The following GUCY1A1 variants were observed in gnomAD, a reference collection of about 807,000 sequenced individuals.
GUCY1A1 encodes the protein guanylate cyclase soluble subunit alpha-1.
GUCY1A1 carries 48 observed loss-of-function variants against 64.5 expected under a neutral mutation model. The observed-to-expected ratio is 0.74, with a 90% CI of 0.59 to 0.95. The LOEUF is 0.95. Ranked by LOEUF, GUCY1A1 falls within the 40% of genes least tolerant of loss-of-function variation. The pLI is 0.00. For missense variants in GUCY1A1, 804 were observed against 825.3 expected (o/e 0.97, Z 0.32); for synonymous variants, 308 against 303.4 (o/e 1.02, Z -0.16).
Position 155,717,214 on chromosome 4 carries a change from A to C in GUCY1A1, c.1628A>C (p.Asp543Ala), listed in dbSNP as rs770401787. 2.5e-6 allele frequency: 4 copies of C among 1,590,220 alleles called. No individual in the cohort carries two copies. Among genetic ancestry groups the C allele is most frequent in the South Asian group, 1.1e-5 (1 of 87,404 alleles). ...GCTGGGGGATTACACAAAGAGAGTG[A>C]TACTCATGCTGTTCAGATAGCGCTG... ...CVAGGLHKES[D>A]THAVQIALMA... The change falls in exon 8 of 10, where the codon GAT becomes GCT. Residue 543 changes from aspartate (D) to alanine (A), a missense_variant. Physicochemically the swap from Asp to Ala is moderately radical, Grantham distance 126. Transcript: ENST00000506455.
intron 2 of GUCY1A1, among the ~76,000 whole-genome samples, chr4:155,686,920 A>G (rs531016916): frequency 6.2e-4 from 95 of 152,336 alleles, no homozygotes; most frequent in African/African-American, 2.3e-3. Context: ...TGCAAATTCT[A>G]TAATTTTTTA....
At position 155,731,137 on chromosome 4, in the gene GUCY1A1, G is replaced by A. The variant is rs1384240981; in HGVS notation, c.*906G>A. 6.6e-6 allele frequency: 1 copy of A among 152,400 alleles called. No homozygotes were observed. Among genetic ancestry groups the A allele is most frequent in the Non-Finnish European group, 1.5e-5 (1 of 67,852 alleles). 9.4% of individuals were successfully genotyped at this position (152,400 alleles called of 1,614,324 possible). On this transcript the variant is annotated 3_prime_UTR_variant, in exon 10 of 10. Transcript: ENST00000506455. ...CAGGGGACCCACCATAAAGGACATT[G>A]GTAAAACATTTACACACGTAAACAC...
chr4:155,714,553 A>C (rs114821640), intron 7 of GUCY1A1, among the ~76,000 whole-genome samples: 1 of 152,222 alleles, frequency 6.6e-6, no homozygotes, highest in Non-Finnish European at 1.5e-5. Flanking sequence ...TCTTTTAGAC[A>C]TTGGCACTAA....
intron 4 of GUCY1A1, among the ~76,000 whole-genome samples, chr4:155,707,577 C>G (rs921710654): frequency 1.3e-5 from 2 of 150,616 alleles, no homozygotes; most frequent in African/African-American, 4.9e-5. Flanking sequence ...CCACTGAATA[C>G]TTACAGCTTT....
chr4:155,723,836 T>C (rs1387845858), intron 9 of GUCY1A1, among the ~76,000 whole-genome samples: 1 of 152,026 alleles, frequency 6.6e-6, no homozygotes, highest in African/African-American at 2.4e-5. Flanking sequence ...CTAATTTTTG[T>C]ATTTTTAGTA....
At chr4:155,668,515 G>C (rs1733669307) in intron 2 of GUCY1A1, among the ~76,000 whole-genome samples, 1 of 152,088 alleles carries the variant, frequency 6.6e-6, no homozygotes, top group Non-Finnish European at 1.5e-5. Flanking sequence ...TTAATGAATT[G>C]ATTTGATTTC....
chr4:155,708,159 T>C lies in GUCY1A1; in HGVS notation c.318-77T>C, dbSNP rs1579078905. 6 of 777,708 alleles carry C rather than the reference T, an allele frequency of 7.7e-6. No homozygotes were observed. In the East Asian group the frequency reaches 8.0e-5, roughly 10 times the overall value. 48.2% of individuals were successfully genotyped at this position (777,708 alleles called of 1,614,324 possible). The stretch of plus-strand genomic sequence containing the variant: ...GCCTAATTTAAACTATTTTCTATCA[T>C]TGTTTCTGTATATTATAATCTGAAC... On this transcript the variant is annotated intron_variant, in intron 4 of 9. Coordinates refer to ENST00000506455, the MANE Select transcript of GUCY1A1 (RefSeq NM_001130682.3).
At chr4:155,718,284 AC>A (rs1256601509) in intron 8 of GUCY1A1, among the ~76,000 whole-genome samples, 1 of 152,084 alleles carries the variant, frequency 6.6e-6, no homozygotes, top group African/African-American at 2.4e-5. Flanking sequence ...TAAAAACAAA[AC>A]TATATTTGGA....
At position 155,680,964 on chromosome 4, in the gene GUCY1A1, CAT is replaced by C. The variant is rs1491159964; in HGVS notation, c.-113+13546_-113+13547del. On this transcript the variant is annotated intron_variant, in intron 2 of 9. Coordinates refer to ENST00000506455, the MANE Select transcript of GUCY1A1 (RefSeq NM_001130682.3). ...ACACACACATGCACACACACACACA[CAT>C]GCACACACACACACACGTGCACATA... 2.0e-5 allele frequency among the ~76,000 whole-genome samples: 3 copies of C among 150,888 alleles called. No individual in the cohort carries two copies. The East Asian group carries it at 5.8e-4, about 29-fold the overall frequency.
At chr4:155,700,988 G>A (rs1397954283) in intron 3 of GUCY1A1, among the ~76,000 whole-genome samples, 1 of 152,174 alleles carries the variant, frequency 6.6e-6, no homozygotes, top group East Asian at 1.9e-4. Context: ...GAGGCCCTGA[G>A]GTTGGCTGTG....
chr4:155,726,746 G>A (rs1734736051), intron 9 of GUCY1A1, among the ~76,000 whole-genome samples: 1 of 151,898 alleles, frequency 6.6e-6, no homozygotes, highest in Non-Finnish European at 1.5e-5. Context: ...ATTGTCAGGA[G>A]TTTTACTTTA....
chr4:155,696,643 A>AT (rs1730447314), intron 2 of GUCY1A1, 113 bp from the exon 3 acceptor site: 1 of 414,664 alleles, frequency 2.4e-6, no homozygotes, highest in Non-Finnish European at 4.3e-6. Context: ...TTCCAGCAGA[A>AT]TTTTTTTAAC....
chr4:155,736,534 GA>G lies in GUCY1A1; in HGVS notation c.*6304del, dbSNP rs886715343. 5.9e-4 allele frequency: 90 copies of G among 152,036 alleles called. 1 individual carries two copies. Among genetic ancestry groups the G allele is most frequent in the African/African-American group, 2.0e-3 (84 of 41,518 alleles). The allele number at this position is 152,036 out of a possible 1,614,324, so 9.4% of individuals were successfully genotyped here. A position where few individuals can be genotyped will look rare whatever the true frequency, so the allele number is the denominator to read the frequency against. On this transcript the variant is annotated 3_prime_UTR_variant, in exon 10 of 10. Transcript: ENST00000506455. Reference sequence around the variant, plus strand: ...TTTGACTAAGAACTTACTGTTTAGAGAGAAAAAATAGTAAATAATGTTCAAA... The same window carrying G: ...TTTGACTAAGAACTTACTGTTTAGAGGAAAAAATAGTAAATAATGTTCAAA...
At position 155,711,207 on chromosome 4, in the gene GUCY1A1, G is replaced by A. The variant is rs1456647516; in HGVS notation, c.1042G>A (p.Val348Ile). The A allele has an allele frequency of 2.5e-6, 4 of 1,611,108 alleles. No individual in the cohort carries two copies. The highest frequency in any genetic ancestry group is 3.4e-6 in the Non-Finnish European group (4 of 1,177,338). ...IMTMLNMQFV[V>I]RVRRWDNSVK... Reference sequence around the variant, plus strand: ...GACTATGTTGAATATGCAGTTTGTTGTACGAGTGAGGAGATGGGACAACTC... The same window carrying A: ...GACTATGTTGAATATGCAGTTTGTTATACGAGTGAGGAGATGGGACAACTC... The change falls in exon 6 of 10, where the codon GTA becomes ATA. Residue 348 changes from valine (V) to isoleucine (I), a missense_variant. Transcript: ENST00000506455.
At chr4:155,687,334 A>G (rs1729127402) in intron 2 of GUCY1A1, among the ~76,000 whole-genome samples, 1 of 152,238 alleles carries the variant, frequency 6.6e-6, no homozygotes, top group South Asian at 2.1e-4. Flanking sequence ...TTCGTAAGGC[A>G]AGTGACTGAA....
At chr4:155,680,931 A>ACACACACACACACACACACATG (rs1735649427) in intron 2 of GUCY1A1, among the ~76,000 whole-genome samples, 7 of 144,474 alleles carry the variant, frequency 4.8e-5, no homozygotes, top group Non-Finnish European at 9.2e-5. Context: ...ATACACACAC[A>ACACACACACACACACACACATG]CACACACACA....
rs1730464165 is a variant in GUCY1A1 at position 155,696,782 on chromosome 4, T to C, written c.-86T>C. The C allele has an allele frequency of 1.3e-5, 17 of 1,282,354 alleles. No homozygotes were observed. In the Middle Eastern group the frequency reaches 7.7e-4, roughly 58 times the overall value. 79.4% of individuals were successfully genotyped at this position (1,282,354 alleles called of 1,614,324 possible). A position where few individuals can be genotyped will look rare whatever the true frequency, so the allele number is the denominator to read the frequency against. On this transcript the variant is annotated 5_prime_UTR_variant, in exon 3 of 10. Transcript: ENST00000506455. ...CATCCCAGTTACCAGTGTCCTTGAA[T>C]TGATAGTGGCTTCTGTTTGTCAGTC... is the stretch of plus-strand genomic sequence containing the variant.
intron 2 of GUCY1A1, among the ~76,000 whole-genome samples, chr4:155,696,396 A>G (rs1579050848): frequency 6.6e-6 from 1 of 152,370 alleles, no homozygotes. Flanking sequence ...TGAATAAAAC[A>G]TAAACTTAGA....
intron 2 of GUCY1A1, among the ~76,000 whole-genome samples, chr4:155,692,669 A>C (rs1443713833): frequency 6.6e-6 from 1 of 152,216 alleles, no homozygotes; most frequent in South Asian, 2.1e-4. Context: ...AAAGTGTATC[A>C]GTGCCAGAGA....
Sources: gnomAD v4.1 joint callset for allele counts (sites outside exome capture counted in the v4.1 genomes callset) on GRCh38, gnomAD v4.1.1 for gene constraint, MANE v1.5 for transcripts, NCBI Gene and HGNC (gene_info 2026-07-23, HGNC 2026-07-21) for gene names.